ADCY3: variants seen among roughly 807,000 people sequenced by gnomAD.
ADCY3 encodes the protein adenylate cyclase 3, also known as adenylate cyclase type 3.
In ADCY3, 70 loss-of-function variants were observed where a neutral mutation model predicts 119.4. The ratio of observed to expected loss-of-function variants is 0.59; its 90% confidence interval spans 0.48 to 0.72. ADCY3 has a LOEUF of 0.72. ADCY3 is among the 30% of genes least tolerant of loss of function. ADCY3 has a pLI of 0.00. For missense variants in ADCY3, 1,238 were observed against 1,541.6 expected, an observed-to-expected ratio of 0.80 and a Z score of 3.30; for synonymous variants, 672 against 621.4, an observed-to-expected ratio of 1.08 and a Z score of -1.21.
intron 3 of ADCY3, among the ~76,000 whole-genome samples, chr2:24,853,257 A>G (rs13387729): frequency 0.52 from 79,669 of 151,824 alleles, 23,784 homozygotes; most frequent in African/African-American, 0.83. Context: ...GACACGACGT[A>G]TGGCGACCTT....
chr2:24,846,276 C>A (rs1407957181), intron 3 of ADCY3, among the ~76,000 whole-genome samples: 1 of 152,158 alleles, frequency 6.6e-6, no homozygotes, highest in Non-Finnish European at 1.5e-5. Flanking sequence ...AGCTGCAGAC[C>A]CTCAAAGCCA....
intron 2 of ADCY3, among the ~76,000 whole-genome samples, chr2:24,909,219 T>G (rs913066878): frequency 2.3e-4 from 35 of 152,094 alleles, no homozygotes; most frequent in South Asian, 2.1e-4. Context: ...ACGCCTGGAC[T>G]CCCTCACCAG....
At position 24,838,410 on chromosome 2, in the gene ADCY3, TGGGTGGGGTGGGTGGGGTG is replaced by T. The variant is rs1553339302; in HGVS notation, c.1533+16_1533+34del. Reference sequence around the variant, plus strand: ...CCAACCCCCTAATCCAGGGGTGGGGTGGGTGGGGTGGGTGGGGTGGGGTGGGGAACTCACCGAGCCATTG... The same window carrying T: ...CCAACCCCCTAATCCAGGGGTGGGGTGGGTGGGGAACTCACCGAGCCATTG... On this transcript the variant is annotated intron_variant, in intron 8 of 21. Coordinates refer to ENST00000679454, the MANE Select transcript of ADCY3 (RefSeq NM_004036.5). The T allele has an allele frequency of 8.6e-6, 4 of 464,970 alleles. No individual in the cohort carries two copies. The highest frequency in any genetic ancestry group is 5.7e-5 in the South Asian group (2 of 35,362). 28.8% of individuals were successfully genotyped at this position (464,970 alleles called of 1,614,324 possible).
intron 3 of ADCY3, among the ~76,000 whole-genome samples, chr2:24,870,500 G>A (rs1247784195): frequency 6.6e-6 from 1 of 152,152 alleles, no homozygotes; most frequent in Non-Finnish European, 1.5e-5. Flanking sequence ...AGCTAGGCCT[G>A]AGGATGCACC....
At position 24,898,117 on chromosome 2, in the gene ADCY3, G is replaced by A. The variant is rs892076102; in HGVS notation, c.675+20196C>T. Among the ~76,000 whole-genome samples, 12 of 151,994 alleles carry A rather than the reference G, an allele frequency of 7.9e-5. No individual in the cohort carries two copies. Among genetic ancestry groups the A allele is most frequent in the East Asian group, 1.9e-4 (1 of 5,192 alleles). On this transcript the variant is annotated intron_variant, in intron 2 of 21. Transcript: ENST00000679454. The surrounding 1 kb of genome is among the most constrained non-coding windows in gnomAD (Gnocchi z 4.3). ...CCAGTCAGAGGTTCTCCACTACCCC[G>A]TCTATGTTCACCCCCAGACCTTTGT...
chr2:24,829,582 G>A (rs536629135), intron 13 of ADCY3, among the ~76,000 whole-genome samples: 453 of 151,418 alleles, frequency 3.0e-3, no homozygotes, highest in Non-Finnish European at 4.9e-3. Context: ...CACCACGCCC[G>A]GCTAATTTTT....
chr2:24,828,177 G>A lies in ADCY3; in HGVS notation c.2173-16C>T, dbSNP rs1274310653. 3 of 1,611,578 alleles carry A rather than the reference G, an allele frequency of 1.9e-6. No homozygotes were observed. Among genetic ancestry groups the A allele is most frequent in the Non-Finnish European group, 2.5e-6 (3 of 1,178,916 alleles). Reference sequence around the variant, plus strand: ...GACAGCTGAGCTGGAGGCCAGGACGGCGGGCAGGGACACACGTTCAAGAGA... The same window carrying A: ...GACAGCTGAGCTGGAGGCCAGGACGACGGGCAGGGACACACGTTCAAGAGA... On this transcript the variant is annotated splice_polypyrimidine_tract_variant and intron_variant, in intron 13 of 21. Transcript: ENST00000679454.
At position 24,836,974 on chromosome 2, in the gene ADCY3, G is replaced by C; in HGVS notation, c.1605C>G (p.Asn535Lys). 6.2e-7 allele frequency: 1 copy of C among 1,614,024 alleles called. No individual in the cohort carries two copies. Among genetic ancestry groups the C allele is most frequent in the African/African-American group, 1.3e-5 (1 of 75,052 alleles). Reference protein sequence around the residue: ...SPALIETKEPNGSAHSSGSTS... With the variant: ...SPALIETKEPKGSAHSSGSTS... ...TGGACCCACTGCTGTGGGCACTCCC[G>C]TTGGGCTCCTTGGTCTCAATGAGGG... Residue 535 changes from asparagine to lysine, a missense_variant, in exon 9 of 22, where the codon AAC becomes AAG. Physicochemically the swap from Asn to Lys is moderately conservative, Grantham distance 94. Around this residue, in one of 7 missense-constraint regions of ADCY3, gnomAD observed 499 missense variants for 571.0 expected, o/e 0.87. Coordinates refer to ENST00000679454, the MANE Select transcript of ADCY3 (RefSeq NM_004036.5).
chr2:24,828,200 A>G (rs902101859), intron 13 of ADCY3, 39 bp from the exon 14 acceptor site: 8 of 1,606,452 alleles, frequency 5.0e-6, no homozygotes, highest in Non-Finnish European at 6.8e-6. Context: ...CACGTTCAAG[A>G]GAACAGCAGG....
intron 13 of ADCY3, among the ~76,000 whole-genome samples, chr2:24,829,396 G>C (rs1460952589): frequency 3.6e-5 from 5 of 137,490 alleles, no homozygotes; most frequent in Non-Finnish European, 7.8e-5. Context: ...CATGTTGGTT[G>C]TATTTGTGTG....
chr2:24,891,233 A>G (rs1295492886), intron 2 of ADCY3, among the ~76,000 whole-genome samples: 1 of 152,184 alleles, frequency 6.6e-6, no homozygotes, highest in Non-Finnish European at 1.5e-5. Flanking sequence ...TTGCATTTTC[A>G]GCTACCCAAG....
rs1414185075 is a variant in ADCY3, at chr2:24,841,687, TG to T, written c.957-21del. ...AGGATGCTGCATGAGGAAGGAACCG[TG>T]GGGGTGACGCTCCAGGCAGCCAGGT... On this transcript the variant is annotated intron_variant, in intron 4 of 21. Transcript: ENST00000679454. This position sits in a 1 kb window ranked among gnomAD's most constrained non-coding sequence, Gnocchi z 5.8. The T allele has an allele frequency of 1.3e-6, 2 of 1,598,542 alleles. No individual in the cohort carries two copies. The highest frequency in any genetic ancestry group is 1.7e-4 in the Middle Eastern group (1 of 5,978).
intron 3 of ADCY3, among the ~76,000 whole-genome samples, chr2:24,855,724 G>A (rs1672916261): frequency 6.6e-6 from 1 of 152,228 alleles, no homozygotes; most frequent in African/African-American, 2.4e-5. Flanking sequence ...CAGATCCTGG[G>A]AAGAAGCACC....
chr2:24,859,818 C>T (rs766366118), intron 3 of ADCY3, among the ~76,000 whole-genome samples: 1 of 152,188 alleles, frequency 6.6e-6, no homozygotes, highest in Non-Finnish European at 1.5e-5. Flanking sequence ...TGCAGTCCCC[C>T]AAGACCTGAA....
chr2:24,854,932 A>G (rs1373008340), intron 3 of ADCY3, among the ~76,000 whole-genome samples: 1 of 152,140 alleles, frequency 6.6e-6, no homozygotes, highest in Non-Finnish European at 1.5e-5. Flanking sequence ...CACCTGTAAT[A>G]CCAGCTGCTC....
chr2:24,825,083 T>C (rs2148397877), intron 16 of ADCY3, among the ~76,000 whole-genome samples: 1 of 152,138 alleles, frequency 6.6e-6, no homozygotes, highest in Admixed American at 6.6e-5. Flanking sequence ...GTAGGGGGCC[T>C]CTTGGGACCT....
chr2:24,879,383 G>A (rs1676104929), intron 2 of ADCY3, among the ~76,000 whole-genome samples: 1 of 150,346 alleles, frequency 6.7e-6, no homozygotes, highest in Non-Finnish European at 1.5e-5. Flanking sequence ...AACCCGGGAG[G>A]CGGAGCTTGC....
chr2:24,838,456 G>T lies in ADCY3; in HGVS notation c.1522C>A (p.Leu508Ile), dbSNP rs1380840310. Reference sequence around the variant, plus strand: ...GGTGGGGAACTCACCGAGCCATTGAGGCCATTCTGGGTGGCTGTTTTCTTC... The same window carrying T: ...GGTGGGGAACTCACCGAGCCATTGATGCCATTCTGGGTGGCTGTTTTCTTC... ...EVKKTATQNGLNGSALPNGAP... is the reference protein window; with the variant it reads ...EVKKTATQNGINGSALPNGAP... Residue 508 changes from leucine (L) to isoleucine (I), a missense_variant, in exon 8 of 22, where the codon CTC (leucine) becomes ATC (isoleucine). Physicochemically the swap from Leu to Ile is conservative, Grantham distance 5 (BLOSUM62 2). Coordinates refer to ENST00000679454, the MANE Select transcript of ADCY3 (RefSeq NM_004036.5). 2 of 1,612,810 alleles carry T rather than the reference G, an allele frequency of 1.2e-6. No homozygotes were observed. Among genetic ancestry groups the T allele is most frequent in the African/African-American group, 1.3e-5 (1 of 74,848 alleles).
Position 24,821,053 on chromosome 2 carries a change from C to G in ADCY3, c.3128-205G>C, listed in dbSNP as rs533356189. ...TTGTTAGGTGTCAGCCGCCACCCCCCCCCCATATGCAGATTTACTCGGCAT... is the reference window on the plus strand; with the variant it reads ...TTGTTAGGTGTCAGCCGCCACCCCCGCCCCATATGCAGATTTACTCGGCAT... On this transcript the variant is annotated intron_variant, in intron 20 of 21. Coordinates refer to ENST00000679454, the MANE Select transcript of ADCY3 (RefSeq NM_004036.5). 430 of 653,616 alleles carry G rather than the reference C, an allele frequency of 6.6e-4. 4 individuals are homozygous for G. The African/African-American group carries it at 6.8e-3, about 10-fold the overall frequency. The allele number at this position is 653,616 out of a possible 1,614,324, so 40.5% of individuals were successfully genotyped here. A position where few individuals can be genotyped will look rare whatever the true frequency, so the allele number is the denominator to read the frequency against.
Sources: allele counts gnomAD v4.1 joint callset (sites outside exome capture counted in the v4.1 genomes callset), GRCh38; gene constraint gnomAD v4.1.1; regional missense constraint gnomAD v4.1.1; non-coding constraint Gnocchi (gnomAD v3.1); transcripts MANE v1.5; gene names NCBI Gene and HGNC (gene_info 2026-07-23, HGNC 2026-07-21).